The following GRIN2B variants were observed in gnomAD, a reference collection of about 807,000 sequenced individuals.
The protein encoded by GRIN2B is glutamate receptor ionotropic, NMDA 2B.
In GRIN2B, 5 loss-of-function variants were observed where a neutral mutation model predicts 114.5. That is an observed-to-expected ratio of 0.04 (90% CI 0.02 to 0.09). The LOEUF (loss-of-function observed/expected upper bound fraction) is 0.09. Among genes scored for constraint, GRIN2B ranks in the 10% least tolerant of loss-of-function variants. The probability of loss-of-function intolerance (pLI) is 1.00; values close to 1 mark genes in which losing one functional copy is unlikely to be tolerated. For synonymous variants in GRIN2B, 787 were observed against 745.1 expected, an observed-to-expected ratio of 1.06 and a Z score of -0.92; for missense variants, 1,108 against 1,943.5, an observed-to-expected ratio of 0.57 and a Z score of 8.08.
chr12:13,967,615 G>C (rs1442084831), intron 2 of GRIN2B, among the ~76,000 whole-genome samples: 1 of 152,254 alleles, frequency 6.6e-6, no homozygotes, highest in Admixed American at 6.5e-5. Flanking sequence ...TGGTGTGCCA[G>C]CATTCTGTTA....
At chr12:13,738,776 C>A (rs964908419) in intron 4 of GRIN2B, among the ~76,000 whole-genome samples, 1 of 152,182 alleles carries the variant, frequency 6.6e-6, no homozygotes, top group Admixed American at 6.5e-5. Context: ...ATTTACAACT[C>A]CTGGCTGCCC....
chr12:13,696,808 G>A (rs1410405703), intron 4 of GRIN2B, among the ~76,000 whole-genome samples: 1 of 151,992 alleles, frequency 6.6e-6, no homozygotes, highest in African/African-American at 2.4e-5. Flanking sequence ...GGACAGGGAG[G>A]GCATACCTAA....
At chr12:13,823,902 T>G (rs984198881) in intron 3 of GRIN2B, among the ~76,000 whole-genome samples, 1 of 152,172 alleles carries the variant, frequency 6.6e-6, no homozygotes, top group Non-Finnish European at 1.5e-5. Context: ...ATTATTGAAG[T>G]GATCATATAT....
intron 2 of GRIN2B, among the ~76,000 whole-genome samples, chr12:13,887,300 T>C (rs921571294): frequency 2.0e-5 from 3 of 152,232 alleles, no homozygotes; most frequent in Non-Finnish European, 4.4e-5. Flanking sequence ...AGTACAATCA[T>C]ATAAATACAT....
At chr12:13,584,496 G>T (rs1014685361) in intron 10 of GRIN2B, among the ~76,000 whole-genome samples, 4 of 152,182 alleles carry the variant, frequency 2.6e-5, no homozygotes, top group African/African-American at 9.7e-5. Flanking sequence ...TCCATTCAAA[G>T]TGCACTATTT....
At chr12:13,631,759 T>C (rs1949617264) in intron 5 of GRIN2B, among the ~76,000 whole-genome samples, 1 of 152,180 alleles carries the variant, frequency 6.6e-6, no homozygotes, top group African/African-American at 2.4e-5. Context: ...TAAAGGAACC[T>C]CCACAGCCTG....
chr12:13,846,527 T>G (rs754935397), intron 3 of GRIN2B, among the ~76,000 whole-genome samples: 3 of 152,218 alleles, frequency 2.0e-5, no homozygotes, highest in Non-Finnish European at 4.4e-5. Context: ...AACCAATCTT[T>G]TTCTTGTGTT....
intron 4 of GRIN2B, among the ~76,000 whole-genome samples, chr12:13,703,750 C>A (rs926922216): frequency 1.3e-5 from 2 of 152,030 alleles, no homozygotes; most frequent in East Asian, 1.9e-4. Context: ...TGCAATAAAC[C>A]TTTTCCTTAT....
intron 4 of GRIN2B, among the ~76,000 whole-genome samples, chr12:13,705,589 G>A (rs1591686699): frequency 6.6e-6 from 1 of 152,244 alleles, no homozygotes; most frequent in East Asian, 1.9e-4. Context: ...CCATGGCCCT[G>A]TCTAATGACC....
At chr12:13,645,324 G>T (rs1591656493) in intron 5 of GRIN2B, among the ~76,000 whole-genome samples, 1 of 152,086 alleles carries the variant, frequency 6.6e-6, no homozygotes, top group Non-Finnish European at 1.5e-5. Context: ...GAGCACATAA[G>T]ATGTTTATCA....
At chr12:13,717,942 G>A (rs1350502914) in intron 4 of GRIN2B, among the ~76,000 whole-genome samples, 1 of 152,026 alleles carries the variant, frequency 6.6e-6, no homozygotes, top group African/African-American at 2.4e-5. Context: ...CAGACACTGA[G>A]GATGCTCCGT....
intron 3 of GRIN2B, among the ~76,000 whole-genome samples, chr12:13,809,665 A>C (rs1302803822): frequency 6.6e-6 from 1 of 152,194 alleles, no homozygotes; most frequent in Non-Finnish European, 1.5e-5. Flanking sequence ...AAAAGAAAGA[A>C]ATCAGCAACA....
intron 2 of GRIN2B, among the ~76,000 whole-genome samples, chr12:13,903,709 T>G (rs1428644506): frequency 6.6e-6 from 1 of 152,090 alleles, no homozygotes; most frequent in Non-Finnish European, 1.5e-5. Context: ...ACTAGAGTGT[T>G]CTGTATTTAC....
At position 13,567,019 on chromosome 12, in the gene GRIN2B, A is replaced by T. The variant is rs773452060; in HGVS notation, c.2598+6T>A. On this transcript the variant is annotated splice_donor_region_variant and intron_variant, in intron 13 of 13. Transcript: ENST00000609686. ...AAGCTTTAGGCATTTAAATCAAAACACTTACTCTGCTGATGGAGAAGACCA... is the reference window on the plus strand; with the variant it reads ...AAGCTTTAGGCATTTAAATCAAAACTCTTACTCTGCTGATGGAGAAGACCA... 3 of 1,597,422 alleles carry T rather than the reference A, an allele frequency of 1.9e-6. No homozygotes were observed. In the South Asian group the frequency reaches 3.3e-5, roughly 18 times the overall value.
chr12:13,801,116 A>T (rs184667142), intron 3 of GRIN2B, among the ~76,000 whole-genome samples: 3 of 152,168 alleles, frequency 2.0e-5, no homozygotes. Flanking sequence ...ACAATTTGTA[A>T]TAAACCAAAA....
At chr12:13,907,054 C>T (rs1246152118) in intron 2 of GRIN2B, among the ~76,000 whole-genome samples, 2 of 152,116 alleles carry the variant, frequency 1.3e-5, no homozygotes, top group Non-Finnish European at 2.9e-5. Flanking sequence ...TGTAAGATTC[C>T]TCCCAGCCTC....
chr12:13,972,324 T>C (rs533654858), intron 2 of GRIN2B, among the ~76,000 whole-genome samples: 1 of 152,172 alleles, frequency 6.6e-6, no homozygotes, highest in African/African-American at 2.4e-5. Context: ...TGTCACTTTA[T>C]GGAAATTAGA....
At chr12:13,888,217 C>T (rs1866197982) in intron 2 of GRIN2B, among the ~76,000 whole-genome samples, 2 of 152,094 alleles carry the variant, frequency 1.3e-5, no homozygotes, top group South Asian at 2.1e-4. Flanking sequence ...GCAATTTCAT[C>T]ATTGTGTGAA....
chr12:13,616,160 T>C (rs929410836), intron 6 of GRIN2B, among the ~76,000 whole-genome samples: 1 of 152,170 alleles, frequency 6.6e-6, no homozygotes, highest in Non-Finnish European at 1.5e-5. Context: ...GAAAACATAT[T>C]TGAACACCAG....
Sources: allele counts gnomAD v4.1 joint callset (sites outside exome capture counted in the v4.1 genomes callset), GRCh38; gene constraint gnomAD v4.1.1; transcripts MANE v1.5; gene names NCBI Gene and HGNC (gene_info 2026-07-23, HGNC 2026-07-21).